SH3GLB1: variants seen among roughly 807,000 people sequenced by gnomAD.
The protein encoded by SH3GLB1 is SH3 domain containing GRB2 like, endophilin B1.
A neutral mutation model predicts 42.0 loss-of-function variants in SH3GLB1; 17 were observed. The ratio of observed to expected loss-of-function variants is 0.40; its 90% CI spans 0.28 to 0.61. The LOEUF (loss-of-function observed/expected upper bound fraction) is 0.61. SH3GLB1 is among the 20% of genes least tolerant of loss of function. The probability of loss-of-function intolerance (pLI) is 0.36; values close to 1 mark genes in which losing one functional copy is unlikely to be tolerated. For synonymous variants in SH3GLB1, 132 were observed against 146.6 expected (o/e 0.90, Z 0.72); for missense variants, 355 against 426.3 (o/e 0.83, Z 1.47).
In SH3GLB1 at chr1:86,744,291, T is replaced by C. The variant is rs1452531316; in HGVS notation, c.*1056T>C. On this transcript the variant is annotated 3_prime_UTR_variant, in exon 9 of 9. Transcript: ENST00000370558. ...TTGCTATAAATCATTGTTTCCATGT[T>C]AAGACTTCTGTTCTAATTCATTCAT... The C allele has an allele frequency of 2.0e-5, 3 of 152,232 alleles. No homozygotes were observed. Among genetic ancestry groups the C allele is most frequent in the Non-Finnish European group, 4.4e-5 (3 of 68,036 alleles). 9.4% of individuals were successfully genotyped at this position (152,232 alleles called of 1,614,324 possible).
intron 7 of SH3GLB1, among the ~76,000 whole-genome samples, chr1:86,737,638 G>A (rs1655841282): frequency 6.6e-6 from 1 of 152,046 alleles, no homozygotes; most frequent in Admixed American, 6.5e-5. Flanking sequence ...TCCAGATGTG[G>A]GGGATATAGT....
At chr1:86,730,365 C>T in intron 5 of SH3GLB1, 1 of 985,340 alleles carries the variant, frequency 1.0e-6, no homozygotes, top group Non-Finnish European at 1.2e-6. Flanking sequence ...AAGTGGTAAT[C>T]TTACAGTTCC....
chr1:86,727,008 A>T (rs1655235698), intron 5 of SH3GLB1, among the ~76,000 whole-genome samples: 1 of 151,870 alleles, frequency 6.6e-6, no homozygotes, highest in Non-Finnish European at 1.5e-5. Flanking sequence ...AAGGTTTGGG[A>T]TCTATCCATA....
In SH3GLB1 at chr1:86,747,174, G is replaced by C. The variant is rs1656344380; in HGVS notation, c.*3939G>C. ...TGTTTAGTGTATATCTGTCACTCTA[G>C]AATGTAGGCTCCCTGAGATAAAAAC... On this transcript the variant is annotated 3_prime_UTR_variant, in exon 9 of 9. Transcript: ENST00000370558. 6.6e-6 allele frequency: 1 copy of C among 152,526 alleles called. No individual in the cohort carries two copies. The highest frequency in any genetic ancestry group is 2.4e-5 in the African/African-American group (1 of 41,404). The allele number at this position is 152,526 out of a possible 1,614,324, so 9.4% of individuals were successfully genotyped here. A position where few individuals can be genotyped will look rare whatever the true frequency, so the allele number is the denominator to read the frequency against.
At chr1:86,712,083 AT>A (rs1654247173) in intron 1 of SH3GLB1, among the ~76,000 whole-genome samples, 1 of 152,142 alleles carries the variant, frequency 6.6e-6, no homozygotes, top group African/African-American at 2.4e-5. Flanking sequence ...AATTTGGGAA[AT>A]ATTATGTCTT....
intron 5 of SH3GLB1, among the ~76,000 whole-genome samples, chr1:86,731,448 C>A (rs752063583): frequency 3.3e-5 from 5 of 152,114 alleles, no homozygotes; most frequent in African/African-American, 4.8e-5. Context: ...TCTTATCCCC[C>A]CTTTGTGAGT....
At chr1:86,708,807 C>A (rs551862719) in intron 1 of SH3GLB1, among the ~76,000 whole-genome samples, 1 of 152,192 alleles carries the variant, frequency 6.6e-6, no homozygotes, top group African/African-American at 2.4e-5. Flanking sequence ...TACTCCCTTA[C>A]AATCTGGTCC....
At position 86,715,709 on chromosome 1, in the gene SH3GLB1, T is replaced by C; in HGVS notation, c.73-15T>C. 1.3e-6 allele frequency: 2 copies of C among 1,570,304 alleles called. No individual in the cohort carries two copies. Among genetic ancestry groups the C allele is most frequent in the Middle Eastern group, 1.7e-4 (1 of 5,842 alleles). ...TTTGCAGTATATTTAATTTTTGTTTTACAATCAATAACAGTTCACAGAAGA... is the reference window on the plus strand; with the variant it reads ...TTTGCAGTATATTTAATTTTTGTTTCACAATCAATAACAGTTCACAGAAGA... On this transcript the variant is annotated splice_polypyrimidine_tract_variant and intron_variant, in intron 1 of 8. Coordinates refer to ENST00000370558, the MANE Select transcript of SH3GLB1 (RefSeq NM_016009.5).
At chr1:86,738,182 G>A (rs1473905838) in intron 7 of SH3GLB1, among the ~76,000 whole-genome samples, 1 of 152,188 alleles carries the variant, frequency 6.6e-6, no homozygotes, top group African/African-American at 2.4e-5. Context: ...CTTGGATCAG[G>A]GTAATTGTGG....
At chr1:86,716,957 A>G (rs902925024) in intron 2 of SH3GLB1, among the ~76,000 whole-genome samples, 1 of 152,204 alleles carries the variant, frequency 6.6e-6, no homozygotes, top group Non-Finnish European at 1.5e-5. Context: ...GTTCTCTATC[A>G]TTTTAGTTAA....
intron 1 of SH3GLB1, 101 bp from the exon 2 acceptor site, chr1:86,715,623 G>A: frequency 8.5e-7 from 1 of 1,180,198 alleles, no homozygotes; most frequent in African/African-American, 1.6e-5. Context: ...TTATTTGTAT[G>A]TTTAGGATTG....
Position 86,704,897 on chromosome 1 carries a change from A to G in SH3GLB1, c.-3A>G. Reference sequence around the variant, plus strand: ...GGCCGGCTCCGCCCGGCTGCCGCCTAGGATGAATATCATGGACTTCAACGT... The same window carrying G: ...GGCCGGCTCCGCCCGGCTGCCGCCTGGGATGAATATCATGGACTTCAACGT... On this transcript the variant is annotated 5_prime_UTR_variant, in exon 1 of 9. Coordinates refer to ENST00000370558, the MANE Select transcript of SH3GLB1 (RefSeq NM_016009.5). 6.4e-7 allele frequency: 1 copy of G among 1,574,330 alleles called. No homozygotes were observed. The highest frequency in any genetic ancestry group is 8.6e-7 in the Non-Finnish European group (1 of 1,163,036).
intron 4 of SH3GLB1, 39 bp from the exon 5 acceptor site, chr1:86,724,274 G>C: frequency 2.1e-6 from 3 of 1,399,584 alleles, no homozygotes; most frequent in Non-Finnish European, 2.9e-6. Flanking sequence ...CAGAATTTTA[G>C]CATCTTTAGC....
rs1431826508 is a variant in SH3GLB1, at chr1:86,704,613, G to C, written c.-287G>C. 3.4e-6 allele frequency: 1 copy of C among 292,106 alleles called. No homozygotes were observed. Among genetic ancestry groups the C allele is most frequent in the Non-Finnish European group, 6.5e-6 (1 of 154,434 alleles). 18.1% of individuals were successfully genotyped at this position (292,106 alleles called of 1,614,324 possible). Reference sequence around the variant, plus strand: ...GGACCCGGGTCCACACGGCGGGGTCGCCCGTCCATCTCCGGCTCGCCCGCG... The same window carrying C: ...GGACCCGGGTCCACACGGCGGGGTCCCCCGTCCATCTCCGGCTCGCCCGCG... On this transcript the variant is annotated 5_prime_UTR_variant, in exon 1 of 9. Transcript: ENST00000370558.
intron 4 of SH3GLB1, among the ~76,000 whole-genome samples, chr1:86,723,227 A>C (rs1475438307): frequency 6.6e-6 from 1 of 152,198 alleles, no homozygotes; most frequent in African/African-American, 2.4e-5. Flanking sequence ...AAAAGATATT[A>C]GCAGCCGGGC....
chr1:86,708,268 C>G (rs1444303833), intron 1 of SH3GLB1, among the ~76,000 whole-genome samples: 3 of 152,112 alleles, frequency 2.0e-5, no homozygotes, highest in Non-Finnish European at 4.4e-5. Context: ...GCCAAAGTAC[C>G]AAGTTTCATG....
chr1:86,724,308 T>A lies in SH3GLB1; in HGVS notation c.478-5T>A. 6.4e-7 allele frequency: 1 copy of A among 1,568,754 alleles called. No homozygotes were observed. Among genetic ancestry groups the A allele is most frequent in the Non-Finnish European group, 8.6e-7 (1 of 1,162,960 alleles). On this transcript the variant is annotated splice_polypyrimidine_tract_variant and splice_region_variant and intron_variant, in intron 4 of 8. Coordinates refer to ENST00000370558, the MANE Select transcript of SH3GLB1 (RefSeq NM_016009.5). ...GCCCTTATTTTTTCTTTTCTATATT[T>A]ATAGAAAGAAAGGAAACTATTGCAA... is the stretch of plus-strand genomic sequence containing the variant.
intron 4 of SH3GLB1, 146 bp from the exon 5 acceptor site, chr1:86,724,167 G>T: frequency 8.3e-6 from 4 of 484,128 alleles, no homozygotes; most frequent in Non-Finnish European, 1.1e-5. Context: ...GCAGATACAT[G>T]AATGGTAACT....
At chr1:86,733,308 T>A (rs1216889599) in intron 5 of SH3GLB1, among the ~76,000 whole-genome samples, 6 of 152,242 alleles carry the variant, frequency 3.9e-5, no homozygotes. Flanking sequence ...TTACAGCAAC[T>A]GATTATCTAC....
Sources: gnomAD v4.1 joint callset for allele counts (sites outside exome capture counted in the v4.1 genomes callset) on GRCh38, gnomAD v4.1.1 for gene constraint, MANE v1.5 for transcripts, NCBI Gene and HGNC (gene_info 2026-07-23, HGNC 2026-07-21) for gene names.